KHDRBS2: variants seen among roughly 807,000 people sequenced by gnomAD.
The protein encoded by KHDRBS2 is KH domain-containing, RNA-binding, signal transduction-associated protein 2.
In KHDRBS2, 26 loss-of-function variants were observed where a neutral mutation model predicts 44.3. The observed-to-expected ratio is 0.59, with a 90% confidence interval of 0.43 to 0.81. The LOEUF (loss-of-function observed/expected upper bound fraction) is 0.81. Among genes scored for constraint, KHDRBS2 ranks in the 40% least tolerant of loss-of-function variants. The pLI, the probability that KHDRBS2 is intolerant of heterozygous loss-of-function variation, is 0.00. For missense variants in KHDRBS2, 476 were observed against 433.1 expected, an observed-to-expected ratio of 1.10 and a Z score of -0.88; for synonymous variants, 194 against 151.1, an observed-to-expected ratio of 1.28 and a Z score of -2.08.
the KHDRBS2 span, among the ~76,000 whole-genome samples, chr6:61,615,405 T>C: frequency 6.6e-6 from 1 of 152,136 alleles, no homozygotes; most frequent in East Asian, 1.9e-4. Context: ...TTTCTGTTCT[T>C]TGCTCACTTT....
At chr6:62,277,735 A>G (rs1841187710) in intron 1 of KHDRBS2, among the ~76,000 whole-genome samples, 1 of 152,150 alleles carries the variant, frequency 6.6e-6, no homozygotes, top group African/African-American at 2.4e-5. Flanking sequence ...AATCCTCCAA[A>G]CTATAACTAA....
downstream of KHDRBS2, among the ~76,000 whole-genome samples, chr6:61,678,568 G>A (rs562336746): frequency 6.1e-4 from 93 of 151,936 alleles, no homozygotes; most frequent in Admixed American, 2.2e-3. Context: ...GTTTTATTGC[G>A]CTTTCTTTGT....
the KHDRBS2 span, among the ~76,000 whole-genome samples, chr6:61,607,217 G>A: frequency 6.6e-6 from 1 of 151,664 alleles, no homozygotes; most frequent in Non-Finnish European, 1.5e-5. Flanking sequence ...TGTAAAATAA[G>A]CACAACTAAA....
At chr6:61,878,141 A>T (rs1799704413) in intron 6 of KHDRBS2, among the ~76,000 whole-genome samples, 1 of 151,896 alleles carries the variant, frequency 6.6e-6, no homozygotes, top group Non-Finnish European at 1.5e-5. Flanking sequence ...AGGTCATTAC[A>T]TAACTTCCAA....
At chr6:62,207,528 C>A (rs2150142581) in intron 1 of KHDRBS2, among the ~76,000 whole-genome samples, 1 of 152,018 alleles carries the variant, frequency 6.6e-6, no homozygotes, top group South Asian at 2.1e-4. Context: ...CTGCCTAAAG[C>A]CAAAGTAAAA....
At chr6:61,749,137 C>T (rs1405358232) in intron 6 of KHDRBS2, among the ~76,000 whole-genome samples, 7 of 151,224 alleles carry the variant, frequency 4.6e-5, no homozygotes, top group South Asian at 2.1e-4. Flanking sequence ...TTCAGCCTCC[C>T]GAGTAGCTGG....
At chr6:61,737,005 T>G (rs1368747044) in intron 6 of KHDRBS2, among the ~76,000 whole-genome samples, 1 of 152,116 alleles carries the variant, frequency 6.6e-6, no homozygotes, top group Non-Finnish European at 1.5e-5. Context: ...CATAGAATAG[T>G]CATTTAACAA....
chr6:61,970,296 G>A (rs1432478074), intron 4 of KHDRBS2, among the ~76,000 whole-genome samples: 2 of 151,650 alleles, frequency 1.3e-5, no homozygotes, highest in Admixed American at 6.6e-5. Flanking sequence ...AAAGTAAAGA[G>A]CTGATTAGTT....
At chr6:62,159,712 T>C (rs1817225111) in intron 2 of KHDRBS2, among the ~76,000 whole-genome samples, 1 of 152,196 alleles carries the variant, frequency 6.6e-6, no homozygotes, top group African/African-American at 2.4e-5. Context: ...AATTAACACA[T>C]ATTTTGTATG....
intron 3 of KHDRBS2, among the ~76,000 whole-genome samples, chr6:62,012,291 A>T (rs560110087): frequency 2.6e-5 from 4 of 152,232 alleles, no homozygotes; most frequent in Non-Finnish European, 5.9e-5. Flanking sequence ...AAAATCATGC[A>T]CTTCTCTCTT....
chr6:61,845,189 C>A (rs1222602758), intron 6 of KHDRBS2, among the ~76,000 whole-genome samples: 3 of 151,834 alleles, frequency 2.0e-5, no homozygotes, highest in Non-Finnish European at 2.9e-5. Context: ...AAAAATAATT[C>A]AAAAACGTGT....
chr6:61,642,791 T>C, the KHDRBS2 span, among the ~76,000 whole-genome samples: 1 of 152,188 alleles, frequency 6.6e-6, no homozygotes. Context: ...TATGTTCTAA[T>C]CCACTTTTGG....
At chr6:62,146,316 C>T (rs893673646) in intron 2 of KHDRBS2, among the ~76,000 whole-genome samples, 10 of 151,816 alleles carry the variant, frequency 6.6e-5, no homozygotes, top group African/African-American at 1.9e-4. Context: ...AGGTGGCATA[C>T]GATCCAAGGT....
chr6:61,710,753 T>C (rs1485855974), intron 7 of KHDRBS2, among the ~76,000 whole-genome samples: 1 of 149,872 alleles, frequency 6.7e-6, no homozygotes, highest in Non-Finnish European at 1.5e-5. Flanking sequence ...TGTAAGACTC[T>C]GCTCATACCT....
chr6:61,570,022 T>C, the KHDRBS2 span, among the ~76,000 whole-genome samples: 3 of 152,122 alleles, frequency 2.0e-5, no homozygotes, highest in African/African-American at 4.8e-5. Context: ...CAGGGTTTTA[T>C]AGCACACCCA....
chr6:62,177,468 AAC>A (rs1821380966), intron 1 of KHDRBS2, among the ~76,000 whole-genome samples, 156 bp from the exon 2 acceptor site: 1 of 151,414 alleles, frequency 6.6e-6, no homozygotes, highest in Non-Finnish European at 1.5e-5. Flanking sequence ...GCATCTCACC[AAC>A]AGTTATGTGA....
At chr6:62,140,371 A>C (rs1320199552) in intron 2 of KHDRBS2, among the ~76,000 whole-genome samples, 1 of 152,168 alleles carries the variant, frequency 6.6e-6, no homozygotes, top group Non-Finnish European at 1.5e-5. Context: ...ATATTAGATA[A>C]ATAATTCTGA....
Position 61,896,088 on chromosome 6 carries a change from C to A in KHDRBS2, c.612-1255G>T, listed in dbSNP as rs1583390011. ...GGCCCAGTGCTGGCTGCAAGTACAA[C>A]ATGGCTAAGAATACAGTATTCTGTA... On this transcript the variant is annotated intron_variant, in intron 5 of 8. Coordinates refer to ENST00000281156, the MANE Select transcript of KHDRBS2 (RefSeq NM_152688.4). 4.6e-5 allele frequency among the ~76,000 whole-genome samples: 7 copies of A among 152,238 alleles called. No homozygotes were observed. The East Asian group carries it at 1.4e-3, about 29-fold the overall frequency.
the KHDRBS2 span, chr6:61,574,397 A>G: frequency 2.6e-6 from 4 of 1,523,608 alleles, no homozygotes; most frequent in Admixed American, 2.0e-5. Context: ...GAAGAGGCGG[A>G]CATAATACAA....
Sources: gnomAD v4.1 joint callset for allele counts (sites outside exome capture counted in the v4.1 genomes callset) on GRCh38, gnomAD v4.1.1 for gene constraint, MANE v1.5 for transcripts, NCBI Gene and HGNC (gene_info 2026-07-23, HGNC 2026-07-21) for gene names.